The following SKAP1 variants were observed in gnomAD, a reference collection of about 807,000 sequenced individuals.
SKAP1 encodes src kinase-associated phosphoprotein 1.
Under a neutral mutation model 58.5 loss-of-function variants are expected in SKAP1, and 44 were observed. The observed-to-expected ratio is 0.75, with a 90% CI of 0.59 to 0.97. The LOEUF is 0.97. Among genes scored for constraint, SKAP1 ranks in the 50% least tolerant of loss-of-function variants. The pLI is 0.00. For missense variants in SKAP1, 390 were observed against 435.2 expected, an observed-to-expected ratio of 0.90 and a Z score of 0.92; for synonymous variants, 127 against 149.7, an observed-to-expected ratio of 0.85 and a Z score of 1.11.
intron 2 of SKAP1, chr17:48,382,622 C>A (rs2067230062): frequency 2.0e-5 from 3 of 152,196 alleles, no homozygotes; most frequent in Non-Finnish European, 4.4e-5. Flanking sequence ...AGATAACGAA[C>A]CTCTAAAGTC....
intron 2 of SKAP1, among the ~76,000 whole-genome samples, chr17:48,388,351 T>C (rs2067304509): frequency 6.6e-6 from 1 of 152,080 alleles, no homozygotes; most frequent in Non-Finnish European, 1.5e-5. Context: ...GGAGAATCAC[T>C]TGAACCCGGG....
At chr17:48,394,321 T>C (rs577331020) in intron 2 of SKAP1, among the ~76,000 whole-genome samples, 108 of 152,272 alleles carry the variant, frequency 7.1e-4, no homozygotes, top group Non-Finnish European at 1.2e-3. Context: ...GTATGGTTCA[T>C]GTATTTGCCG....
chr17:48,208,596 C>A (rs959484907), intron 4 of SKAP1, among the ~76,000 whole-genome samples: 3 of 152,128 alleles, frequency 2.0e-5, no homozygotes, highest in Admixed American at 6.5e-5. Flanking sequence ...CAACTTCTTG[C>A]CAGTTTGGAA....
chr17:48,409,162 T>C (rs928669368), intron 1 of SKAP1, among the ~76,000 whole-genome samples: 1 of 152,216 alleles, frequency 6.6e-6, no homozygotes, highest in Admixed American at 6.5e-5. Context: ...GCAACCAAGA[T>C]AGTCTTACCA....
chr17:48,335,073 T>C (rs1159451378), intron 4 of SKAP1, among the ~76,000 whole-genome samples: 3 of 151,906 alleles, frequency 2.0e-5, no homozygotes, highest in Non-Finnish European at 4.4e-5. Flanking sequence ...GCTATGTCTA[T>C]ATCATTCTTC....
At chr17:48,376,249 T>A (rs759882550) in intron 2 of SKAP1, among the ~76,000 whole-genome samples, 1 of 152,212 alleles carries the variant, frequency 6.6e-6, no homozygotes, top group South Asian at 2.1e-4. Flanking sequence ...GTGGCCCATA[T>A]ACTCACTGAA....
At chr17:48,164,900 T>TA (rs1443415836) in intron 10 of SKAP1, among the ~76,000 whole-genome samples, 4 of 152,262 alleles carry the variant, frequency 2.6e-5, no homozygotes, top group African/African-American at 7.2e-5. Context: ...ACACATGTGA[T>TA]ATGCATTTAT....
intron 4 of SKAP1, among the ~76,000 whole-genome samples, chr17:48,312,455 A>G (rs16955293): frequency 0.015 from 2,233 of 152,304 alleles, 41 homozygotes; most frequent in African/African-American, 0.047. Context: ...TTTGGTCTTA[A>G]AGGCTGTGTC....
intron 11 of SKAP1, among the ~76,000 whole-genome samples, chr17:48,143,490 C>G (rs1033360270): frequency 2.6e-5 from 4 of 151,948 alleles, no homozygotes; most frequent in Admixed American, 6.6e-5. Context: ...GGGATTATAC[C>G]CTGCCCAGCC....
At chr17:48,349,354 T>C (rs2066766298) in intron 3 of SKAP1, among the ~76,000 whole-genome samples, 1 of 152,208 alleles carries the variant, frequency 6.6e-6, no homozygotes, top group Admixed American at 6.5e-5. Context: ...TCAGCAGCTC[T>C]ACAATTAGGG....
chr17:48,316,991 C>T (rs2066297711), intron 4 of SKAP1, among the ~76,000 whole-genome samples: 1 of 152,186 alleles, frequency 6.6e-6, no homozygotes, highest in Non-Finnish European at 1.5e-5. Context: ...TCACATCCAA[C>T]ATGTGGCAGG....
intron 4 of SKAP1, among the ~76,000 whole-genome samples, chr17:48,214,921 C>CAAAATAAAATAAAAT (rs1408212194): frequency 1.0e-4 from 3 of 28,990 alleles, no homozygotes; most frequent in Non-Finnish European, 2.1e-4. Context: ...GACTCTGTCT[C>CAAAATAAAATAAAAT]AAAATAAAGT....
chr17:48,183,513 G>T (rs1478645256), intron 7 of SKAP1, among the ~76,000 whole-genome samples: 1 of 152,042 alleles, frequency 6.6e-6, no homozygotes, highest in Non-Finnish European at 1.5e-5. Context: ...TAAGGTAAAG[G>T]TATATGCTAT....
upstream of SKAP1, among the ~76,000 whole-genome samples, chr17:48,431,525 T>C (rs556903883): frequency 8.5e-4 from 129 of 152,254 alleles, no homozygotes; most frequent in African/African-American, 3.0e-3. Flanking sequence ...AGAAAGACTA[T>C]GGTTGTCAAG....
intron 4 of SKAP1, among the ~76,000 whole-genome samples, chr17:48,280,674 C>T (rs1041887069): frequency 6.6e-6 from 1 of 152,116 alleles, no homozygotes; most frequent in African/African-American, 2.4e-5. Context: ...GTAGTCAATC[C>T]ACTCTTTCTA....
intron 4 of SKAP1, among the ~76,000 whole-genome samples, chr17:48,312,858 G>T (rs1439234467): frequency 6.6e-6 from 1 of 152,176 alleles, no homozygotes; most frequent in Non-Finnish European, 1.5e-5. Context: ...TTGGCCATAT[G>T]ATATCTTGGA....
intron 4 of SKAP1, among the ~76,000 whole-genome samples, chr17:48,331,274 A>T (rs4491576): frequency 0.14 from 21,058 of 151,646 alleles, 1,644 homozygotes; most frequent in East Asian, 0.23. Context: ...TGGATTTTTT[A>T]AAAAAAAATA....
rs190833683 is a variant in SKAP1 at position 48,235,331 on chromosome 17, T to C, written c.281-45831A>G. 9.5e-4 allele frequency among the ~76,000 whole-genome samples: 145 copies of C among 152,310 alleles called. 1 individual carries two copies. Among genetic ancestry groups the C allele is most frequent in the African/African-American group, 2.8e-3 (115 of 41,572 alleles). On this transcript the variant is annotated intron_variant, in intron 4 of 12. Transcript: ENST00000336915. The stretch of plus-strand genomic sequence containing the variant: ...GGGAACACCACAGAATGTGTGACCA[T>C]GGAGCATTCAGCATCACCATGGTTG...
intron 2 of SKAP1, among the ~76,000 whole-genome samples, chr17:48,391,845 A>C (rs2067351320): frequency 6.6e-6 from 1 of 151,918 alleles, no homozygotes; most frequent in African/African-American, 2.4e-5. Flanking sequence ...GCAAAATTAA[A>C]AAACAGAAAA....
Sources: gnomAD v4.1 joint callset for allele counts (sites outside exome capture counted in the v4.1 genomes callset) on GRCh38, gnomAD v4.1.1 for gene constraint, MANE v1.5 for transcripts, NCBI Gene and HGNC (gene_info 2026-07-23, HGNC 2026-07-21) for gene names.